Variants in MTG2 observed in about 807,000 individuals in gnomAD.
MTG2 encodes the protein mitochondrial ribosome associated GTPase 2.
A neutral mutation model predicts 28.6 loss-of-function variants in MTG2; 23 were observed. The ratio of observed to expected loss-of-function variants is 0.80; its 90% CI spans 0.58 to 1.14. The LOEUF is 1.14. Among genes scored for constraint, MTG2 ranks in the 50% most tolerant of loss-of-function variants. MTG2 has a pLI of 0.00. For missense variants in MTG2, 539 were observed against 552.0 expected, an observed-to-expected ratio of 0.98 and a Z score of 0.24; for synonymous variants, 260 against 251.8, an observed-to-expected ratio of 1.03 and a Z score of -0.31.
intron 6 of MTG2, 146 bp from the exon 7 acceptor site, chr20:62,200,537 C>A (rs201718363): frequency 2.1e-6 from 2 of 958,154 alleles, no homozygotes; most frequent in Non-Finnish European, 3.0e-6. Flanking sequence ...CAGTTCAAGG[C>A]GTTCCTTGAA....
intron 1 of MTG2, among the ~76,000 whole-genome samples, chr20:62,190,107 G>A (rs143283992): frequency 6.6e-6 from 1 of 152,086 alleles, no homozygotes; most frequent in South Asian, 2.1e-4. Flanking sequence ...TCATTTATCT[G>A]TTGGCTTTTC....
rs1568793945 is a variant in MTG2, at chr20:62,201,007, ACCT to A, written c.1152_1154del (p.His384_Leu385delinsGln). On this transcript the variant is annotated inframe_deletion, in exon 7 of 7. Transcript: ENST00000370823. ...GAGAACCTGGAGCAGCTGCTGTTGC[ACCT>A]GAAGGTGCTGTATGACGCCTACGCG... is the stretch of plus-strand genomic sequence containing the variant. The A allele has an allele frequency of 6.2e-7, 1 of 1,613,264 alleles. No individual in the cohort carries two copies. The highest frequency in any genetic ancestry group is 1.7e-5 in the Admixed American group (1 of 60,004).
In MTG2 at chr20:62,199,201, C is replaced by T; in HGVS notation, c.770C>T (p.Thr257Ile). 1 of 1,614,218 alleles carries T rather than the reference C, an allele frequency of 6.2e-7. No individual in the cohort carries two copies. The highest frequency in any genetic ancestry group is 8.5e-7 in the Non-Finnish European group (1 of 1,180,036). Residue 257 changes from threonine (T) to isoleucine (I), a missense_variant, in exon 6 of 7, where the codon ACC (threonine) becomes ATC (isoleucine). Coordinates refer to ENST00000370823, the MANE Select transcript of MTG2 (RefSeq NM_015666.4). ...ARPAVASYPF[T>I]TLKPHVGIVH... is the part of the protein sequence containing the mutation. ...CCCGCCGTGGCTTCCTACCCGTTCA[C>T]CACCCTGAAGCCCCACGTCGGGATC...
chr20:62,185,764 G>T (rs561428310), intron 1 of MTG2, among the ~76,000 whole-genome samples: 8 of 152,318 alleles, frequency 5.3e-5, no homozygotes, highest in African/African-American at 1.9e-4. Flanking sequence ...TTACATTTCA[G>T]TTAATTTTAG....
intron 1 of MTG2, among the ~76,000 whole-genome samples, chr20:62,188,337 A>G (rs1180343949): frequency 2.0e-5 from 3 of 151,806 alleles, no homozygotes; most frequent in East Asian, 3.9e-4. Context: ...GTTGGTATTC[A>G]TATACTTCCC....
At chr20:62,190,401 A>G (rs1175873303) in intron 1 of MTG2, among the ~76,000 whole-genome samples, 1 of 152,156 alleles carries the variant, frequency 6.6e-6, no homozygotes, top group Non-Finnish European at 1.5e-5. Context: ...ATATTTACCA[A>G]TTCTGTTGCT....
In MTG2 at chr20:62,197,873, TGTC is replaced by T. The variant is rs764500330; in HGVS notation, c.379_381del (p.Ser127del). ...TTAGTTGACCAGCAAGTCAAGTCCC[TGTC>T]GTCGGTCCTGTCGCGGTACCAGGGT... On this transcript the variant is annotated inframe_deletion, in exon 4 of 7. Transcript: ENST00000370823. 6.2e-7 allele frequency: 1 copy of T among 1,614,200 alleles called. No individual in the cohort carries two copies. The highest frequency in any genetic ancestry group is 1.7e-5 in the Admixed American group (1 of 60,028).
intron 1 of MTG2, among the ~76,000 whole-genome samples, chr20:62,192,448 T>C (rs1427656398): frequency 1.3e-5 from 2 of 152,212 alleles, no homozygotes; most frequent in Non-Finnish European, 2.9e-5. Flanking sequence ...AGCACGGGGA[T>C]GAGTTCACCA....
intron 3 of MTG2, among the ~76,000 whole-genome samples, chr20:62,196,900 T>G (rs6089332): frequency 5.3e-5 from 8 of 150,766 alleles, no homozygotes; most frequent in Admixed American, 5.3e-4. Flanking sequence ...GGCGTGGTGG[T>G]GGGCACTTGT....
At chr20:62,193,705 C>T in intron 2 of MTG2, 81 bp downstream of exon 2, 2 of 1,308,342 alleles carry the variant, frequency 1.5e-6, no homozygotes, top group Non-Finnish European at 2.1e-6. Flanking sequence ...TCCTCTGGGT[C>T]TCATCTCTGT....
At chr20:62,188,079 C>T (rs930736009) in intron 1 of MTG2, among the ~76,000 whole-genome samples, 18 of 146,990 alleles carry the variant, frequency 1.2e-4, no homozygotes, top group Admixed American at 4.9e-4. Flanking sequence ...TTCAGTGGGC[C>T]GAGATCACAC....
chr20:62,194,746 G>A (rs746102430), intron 2 of MTG2, among the ~76,000 whole-genome samples: 1 of 152,222 alleles, frequency 6.6e-6, no homozygotes, highest in Non-Finnish European at 1.5e-5. Context: ...CTGTGCACGT[G>A]GGCAGAAGCC....
chr20:62,190,090 G>A (rs1457556841), intron 1 of MTG2, among the ~76,000 whole-genome samples: 1 of 152,162 alleles, frequency 6.6e-6, no homozygotes, highest in Non-Finnish European at 1.5e-5. Flanking sequence ...GGCTAGTTCT[G>A]AGCATTTCAT....
intron 1 of MTG2, among the ~76,000 whole-genome samples, chr20:62,193,126 G>A (rs934420480): frequency 7.9e-5 from 12 of 152,208 alleles, no homozygotes; most frequent in Middle Eastern, 3.4e-3. Flanking sequence ...TTCGTTGAGC[G>A]GAACCTTGCT....
At chr20:62,184,402 A>G (rs538644905) in intron 1 of MTG2, among the ~76,000 whole-genome samples, 23 of 151,874 alleles carry the variant, frequency 1.5e-4, no homozygotes, top group Non-Finnish European at 2.9e-4. Flanking sequence ...TGCTCACAGG[A>G]GGATTTGAGG....
rs1453033190 is a variant in MTG2 at position 62,199,104 on chromosome 20, C to G, written c.688-15C>G. On this transcript the variant is annotated splice_polypyrimidine_tract_variant and intron_variant, in intron 5 of 6. Coordinates refer to ENST00000370823, the MANE Select transcript of MTG2 (RefSeq NM_015666.4). ...CTGCCGCGGGCCGTGCCACCGTCTT[C>G]CCTCTTTCCCCCAGGTGGGATTCCC... 1 of 1,613,722 alleles carries G rather than the reference C, an allele frequency of 6.2e-7. No individual in the cohort carries two copies.
chr20:62,199,171 C>T lies in MTG2; in HGVS notation c.740C>T (p.Ala247Val). Reference protein sequence around the residue: ...KSSLLRAISNARPAVASYPFT... With the variant: ...KSSLLRAISNVRPAVASYPFT... ...TCACTGCTCCGGGCCATTTCAAACG[C>T]CAGACCCGCCGTGGCTTCCTACCCG... is the stretch of plus-strand genomic sequence containing the variant. The change falls in exon 6 of 7, where the codon GCC becomes GTC. Residue 247 changes from alanine to valine, a missense_variant. By Grantham distance (64) the Ala-to-Val change is moderately conservative (BLOSUM62 0). Coordinates refer to ENST00000370823, the MANE Select transcript of MTG2 (RefSeq NM_015666.4). The T allele has an allele frequency of 6.2e-7, 1 of 1,614,154 alleles. No homozygotes were observed. The highest frequency in any genetic ancestry group is 8.5e-7 in the Non-Finnish European group (1 of 1,180,032).
intron 4 of MTG2, 64 bp downstream of exon 4, chr20:62,198,031 C>T: frequency 6.8e-7 from 1 of 1,471,252 alleles, no homozygotes; most frequent in Non-Finnish European, 9.5e-7. Context: ...CTCCTGGGGG[C>T]CACCGTGTGA....
chr20:62,189,080 T>C (rs896938005), intron 1 of MTG2, among the ~76,000 whole-genome samples: 14 of 152,090 alleles, frequency 9.2e-5, no homozygotes, highest in Admixed American at 4.6e-4. Flanking sequence ...CTCAGCACTT[T>C]GGGAGGCCAA....
Sources: allele counts gnomAD v4.1 joint callset (sites outside exome capture counted in the v4.1 genomes callset), GRCh38; gene constraint gnomAD v4.1.1; transcripts MANE v1.5; gene names NCBI Gene and HGNC (gene_info 2026-07-23, HGNC 2026-07-21).